SYNE2: variants seen among roughly 807,000 people sequenced by gnomAD.
SYNE2 encodes spectrin repeat containing nuclear envelope protein 2.
In SYNE2, 431 loss-of-function variants were observed where a neutral mutation model predicts 856.3. That is an observed-to-expected ratio of 0.50 (90% CI 0.47 to 0.55). The LOEUF is 0.55. Among genes scored for constraint, SYNE2 ranks in the 20% least tolerant of loss-of-function variants. The pLI is 0.00. For missense variants in SYNE2, 8,129 were observed against 8,023.2 expected (o/e 1.01, Z -0.50); for synonymous variants, 2,923 against 2,872.3 (o/e 1.02, Z -0.56).
Position 64,025,333 on chromosome 14 carries a change from A to G in SYNE2, c.6164A>G (p.His2055Arg), listed in dbSNP as rs368032214. The G allele has an allele frequency of 3.7e-6, 6 of 1,614,118 alleles. No homozygotes were observed. In the Admixed American group the frequency reaches 5.0e-5, roughly 13 times the overall value. ...SFNDLAHDVI[H>R]WIKEIKESLM... ...AATGATCTTGCACATGATGTAATTC[A>G]TTGGATAAAAGAGATTAAAGAGTCC... The change falls in exon 41 of 116, where the codon CAT (histidine) becomes CGT (arginine). Residue 2055 changes from histidine to arginine, a missense_variant. His to Arg is a conservative substitution (Grantham distance 29). Around this residue, in one of 3 missense-constraint regions of SYNE2, gnomAD observed 2,422 missense variants for 2,357.4 expected, o/e 1.03. Transcript: ENST00000555002.
rs57794503 is a variant in SYNE2, at chr14:64,032,566, T to TTTGTTGTTG, written c.7221+1225_7221+1233dup. Among the ~76,000 whole-genome samples, 983 of 149,696 alleles carry TTTGTTGTTG rather than the reference T, an allele frequency of 6.6e-3. 6 individuals carry two copies. Among genetic ancestry groups the TTTGTTGTTG allele is most frequent in the Non-Finnish European group, 9.7e-3 (654 of 67,508 alleles). ...GACAGAGTGAGACCCTATCTCTAATTTTGTTGTTGTTGTTGTTGTTGTTGA... is the reference window on the plus strand; with the variant it reads ...GACAGAGTGAGACCCTATCTCTAATTTTGTTGTTGTTGTTGTTGTTGTTGTTGTTGTTGA... On this transcript the variant is annotated intron_variant, in intron 45 of 115. Transcript: ENST00000555002.
chr14:63,844,868 G>T (rs1199370316), intron 1 of SYNE2, among the ~76,000 whole-genome samples: 1 of 152,056 alleles, frequency 6.6e-6, no homozygotes, highest in African/African-American at 2.4e-5. Context: ...AACATAGCAA[G>T]ACCCTGTCTC....
At chr14:64,149,403 T>G (rs751997420) in intron 84 of SYNE2, among the ~76,000 whole-genome samples, 3 of 152,212 alleles carry the variant, frequency 2.0e-5, no homozygotes, top group Non-Finnish European at 4.4e-5. Context: ...CAGGTAAGCT[T>G]GCTAAAGTGG....
chr14:63,982,684 G>A lies in SYNE2; in HGVS notation c.1891G>A (p.Ala631Thr). ...TCTAGAACACGCTACTTTAAATGAA[G>A]CAGGAAATTTCTTAGTCGAAGTCAG... ...WNLEHATLNEAGNFLVEVSND... is the reference protein window; with the variant it reads ...WNLEHATLNETGNFLVEVSND... The change falls in exon 17 of 116, where the codon GCA becomes ACA. Residue 631 changes from alanine (A) to threonine (T), a missense_variant. Coordinates refer to ENST00000555002, the MANE Select transcript of SYNE2 (RefSeq NM_182914.3). 1 of 1,614,078 alleles carries A rather than the reference G, an allele frequency of 6.2e-7. No individual in the cohort carries two copies. The highest frequency in any genetic ancestry group is 8.5e-7 in the Non-Finnish European group (1 of 1,179,994).
intron 99 of SYNE2, among the ~76,000 whole-genome samples, chr14:64,193,416 G>A (rs1265788828): frequency 6.6e-6 from 1 of 152,084 alleles, no homozygotes; most frequent in Non-Finnish European, 1.5e-5. Context: ...TGGGCGTGGT[G>A]GTGCGCACCT....
intron 84 of SYNE2, 75 bp downstream of exon 84, chr14:64,146,298 G>T: frequency 7.3e-7 from 1 of 1,369,734 alleles, no homozygotes; most frequent in Non-Finnish European, 9.8e-7. Context: ...CCGAGGATAA[G>T]TTGCTGTAGT....
chr14:64,191,909 A>T (rs1377020036), intron 99 of SYNE2, among the ~76,000 whole-genome samples: 1 of 152,226 alleles, frequency 6.6e-6, no homozygotes, highest in Non-Finnish European at 1.5e-5. Context: ...TCTAGGCCTC[A>T]GTTGCTAAAT....
At chr14:64,169,296 C>A (rs1192411325) in intron 93 of SYNE2, among the ~76,000 whole-genome samples, 1 of 152,204 alleles carries the variant, frequency 6.6e-6, no homozygotes, top group Non-Finnish European at 1.5e-5. Context: ...CCTTCTCTAC[C>A]ATCATCCTCA....
At chr14:63,868,390 G>A (rs1348093134) in intron 1 of SYNE2, among the ~76,000 whole-genome samples, 1 of 151,224 alleles carries the variant, frequency 6.6e-6, no homozygotes, top group Non-Finnish European at 1.5e-5. Context: ...TGAGAGGATT[G>A]TTTCAGCTCA....
At chr14:64,116,375 G>A (rs1039035218) in intron 66 of SYNE2, among the ~76,000 whole-genome samples, 1 of 152,126 alleles carries the variant, frequency 6.6e-6, no homozygotes, top group African/African-American at 2.4e-5. Context: ...GTTTTGGGAG[G>A]TCAGTTGTCA....
At chr14:63,929,842 G>A (rs1434143299) in intron 2 of SYNE2, among the ~76,000 whole-genome samples, 2 of 151,924 alleles carry the variant, frequency 1.3e-5, no homozygotes, top group African/African-American at 2.4e-5. Context: ...CCAGCCATAT[G>A]AAATGCAAGT....
chr14:64,165,215 C>T, intron 89 of SYNE2, 70 bp from the exon 90 acceptor site: 1 of 1,547,096 alleles, frequency 6.5e-7, no homozygotes, highest in Non-Finnish European at 8.9e-7. Flanking sequence ...TAGCAGCTCC[C>T]AAGCCTGTGT....
Position 64,220,519 on chromosome 14 carries a change from G to T in SYNE2, c.19943G>T (p.Ser6648Ile), listed in dbSNP as rs2098689437. 1 of 1,614,062 alleles carries T rather than the reference G, an allele frequency of 6.2e-7. No individual in the cohort carries two copies. The highest frequency in any genetic ancestry group is 1.3e-5 in the African/African-American group (1 of 74,928). ...AGCAAGGAATTTCTGCAAACCGAGA[G>T]CCCCGAATCCACAGAGCTCCAAAGT... The part of the protein sequence containing the change: ...VSSKEFLQTE[S>I]PESTELQSRL... The change falls in exon 111 of 116, where the codon AGC (serine) becomes ATC (isoleucine). Residue 6648 changes from serine (S) to isoleucine (I), a missense_variant. Coordinates refer to ENST00000555002, the MANE Select transcript of SYNE2 (RefSeq NM_182914.3).
rs751450273 is a variant in SYNE2, at chr14:64,209,967, G to A, written c.18566G>A (p.Arg6189Gln). The part of the protein sequence containing the change: ...FEAFQRQIHE[R>Q]LTQLELINKQ... ...GCCTTTCAGCGGCAGATTCATGAGC[G>A]GCTCACTCAGCTGGAGCTCATCAAC... The change falls in exon 103 of 116, where the codon CGG becomes CAG. Residue 6189 changes from arginine (R) to glutamine (Q), a missense_variant. Physicochemically the swap from Arg to Gln is conservative, Grantham distance 43. This residue lies in a region of SYNE2 where 5,410 missense variants were observed against 5,284.8 expected (regional missense o/e 1.02). Coordinates refer to ENST00000555002, the MANE Select transcript of SYNE2 (RefSeq NM_182914.3). The A allele has an allele frequency of 6.2e-6, 10 of 1,613,986 alleles. No homozygotes were observed. Among genetic ancestry groups the A allele is most frequent in the African/African-American group, 4.0e-5 (3 of 74,914 alleles).
chr14:64,190,636 C>T lies in SYNE2; in HGVS notation c.18038+399C>T, dbSNP rs1348417156. 8 of 701,910 alleles carry T rather than the reference C, an allele frequency of 1.1e-5. No individual in the cohort carries two copies. In the Admixed American group the frequency reaches 1.6e-4, roughly 14 times the overall value. 43.5% of individuals were successfully genotyped at this position (701,910 alleles called of 1,614,324 possible). ...TCAGGTAAGGGCACAGGCCTGGCTTCTGGATGCTGGGGGCCCATGACTGCC... is the reference window on the plus strand; with the variant it reads ...TCAGGTAAGGGCACAGGCCTGGCTTTTGGATGCTGGGGGCCCATGACTGCC... On this transcript the variant is annotated intron_variant, in intron 99 of 115. Coordinates refer to ENST00000555002, the MANE Select transcript of SYNE2 (RefSeq NM_182914.3).
At chr14:63,872,857 T>A (rs2094620190) in intron 1 of SYNE2, among the ~76,000 whole-genome samples, 1 of 152,058 alleles carries the variant, frequency 6.6e-6, no homozygotes, top group African/African-American at 2.4e-5. Context: ...TCCTCTCAAC[T>A]GTGAGATTCA....
intron 54 of SYNE2, 93 bp downstream of exon 54, chr14:64,076,193 G>T: frequency 7.1e-7 from 1 of 1,408,434 alleles, no homozygotes; most frequent in African/African-American, 1.4e-5. Flanking sequence ...CATTTGCCAG[G>T]ATTTCAGCTA....
chr14:64,225,844 CATT>C lies in SYNE2; in HGVS notation c.*324_*326del, dbSNP rs1164570078. On this transcript the variant is annotated 3_prime_UTR_variant, in exon 116 of 116. Coordinates refer to ENST00000555002, the MANE Select transcript of SYNE2 (RefSeq NM_182914.3). Reference sequence around the variant, plus strand: ...GAATTCTGGTTTGTTTGTAAAACAGCATTATTATAATGTAGGTATGGTCAATGA... The same window carrying C: ...GAATTCTGGTTTGTTTGTAAAACAGCATTATAATGTAGGTATGGTCAATGA... The C allele has an allele frequency of 6.9e-6, 4 of 581,670 alleles. No individual in the cohort carries two copies. The highest frequency in any genetic ancestry group is 1.2e-5 in the Non-Finnish European group (4 of 326,296). 36.0% of individuals were successfully genotyped at this position (581,670 alleles called of 1,614,324 possible).
At chr14:64,110,611 T>G (rs2097798782) in intron 65 of SYNE2, among the ~76,000 whole-genome samples, 1 of 107,402 alleles carries the variant, frequency 9.3e-6, no homozygotes, top group Non-Finnish European at 1.7e-5. Context: ...CGCCAAAGTG[T>G]ACAATTATAA....
Sources: gnomAD v4.1 joint callset for allele counts (sites outside exome capture counted in the v4.1 genomes callset) on GRCh38, gnomAD v4.1.1 for gene constraint, gnomAD v4.1.1 regional missense constraint, MANE v1.5 for transcripts, NCBI Gene and HGNC (gene_info 2026-07-23, HGNC 2026-07-21) for gene names.